PAXBP1: variants seen among roughly 807,000 people sequenced by gnomAD.
PAXBP1 encodes PAX3- and PAX7-binding protein 1.
A neutral mutation model predicts 119.9 loss-of-function variants in PAXBP1; 44 were observed. The observed-to-expected ratio is 0.37, with a 90% CI of 0.29 to 0.47. The LOEUF is 0.47. PAXBP1 is among the 20% of genes least tolerant of loss of function. The probability of loss-of-function intolerance (pLI) is 0.99; values close to 1 mark genes in which losing one functional copy is unlikely to be tolerated. For missense variants in PAXBP1, 898 were observed against 1,134.1 expected, an observed-to-expected ratio of 0.79 and a Z score of 2.99; for synonymous variants, 393 against 406.6, an observed-to-expected ratio of 0.97 and a Z score of 0.40.
At chr21:32,759,698 A>G (rs2044105011) in intron 6 of PAXBP1, 79 bp downstream of exon 6, 4 of 1,186,364 alleles carry the variant, frequency 3.4e-6, no homozygotes, top group South Asian at 1.4e-5. Context: ...GATATTCTGC[A>G]TCTGCTACCC....
In PAXBP1 at chr21:32,734,203, G is replaced by A. The variant is rs979288040; in HGVS notation, c.*747C>T. The A allele has an allele frequency of 1.3e-5, 2 of 152,614 alleles. No individual in the cohort carries two copies. Among genetic ancestry groups the A allele is most frequent in the African/African-American group, 4.8e-5 (2 of 41,442 alleles). The allele number at this position is 152,614 out of a possible 1,614,324, so 9.5% of individuals were successfully genotyped here. The stretch of plus-strand genomic sequence containing the variant: ...TCAAATGCATGTATCTGCAAGCTGG[G>A]CAGGGAGTAAAATCATGAATGAGAC... On this transcript the variant is annotated 3_prime_UTR_variant, in exon 18 of 18. Transcript: ENST00000331923.
chr21:32,759,250 A>G lies in PAXBP1; in HGVS notation c.1213T>C (p.Leu405=). ...LKDRLDSMKE[L]HKTNRQQHEK... is the part of the protein sequence containing the mutation. ...TGCTGCTGTCGATTTGTTTTGTGCA[A>G]TTCTTTCATGGAGTCCAACCTTAGG... Residue 405 remains leucine, a synonymous_variant, in exon 7 of 18, where the codon TTG becomes CTG. Coordinates refer to ENST00000331923, the MANE Select transcript of PAXBP1 (RefSeq NM_016631.4). 6.2e-7 allele frequency: 1 copy of G among 1,613,866 alleles called. No homozygotes were observed. Among genetic ancestry groups the G allele is most frequent in the African/African-American group, 1.3e-5 (1 of 75,000 alleles).
intron 15 of PAXBP1, among the ~76,000 whole-genome samples, chr21:32,739,719 AC>A (rs1400538701): frequency 2.0e-5 from 3 of 151,758 alleles, no homozygotes; most frequent in African/African-American, 7.3e-5. Context: ...ATCCTGGCTA[AC>A]ATGATGAAAC....
Position 32,737,349 on chromosome 21 carries a change from A to C in PAXBP1, c.2541T>G (p.Ser847=), listed in dbSNP as rs745722467. The C allele has an allele frequency of 6.2e-7, 1 of 1,610,572 alleles. No homozygotes were observed. Among genetic ancestry groups the C allele is most frequent in the Admixed American group, 1.7e-5 (1 of 59,150 alleles). Residue 847 remains serine, a synonymous_variant, in exon 17 of 18, where the codon TCT becomes TCG. Coordinates refer to ENST00000331923, the MANE Select transcript of PAXBP1 (RefSeq NM_016631.4). Reference sequence around the variant, plus strand: ...GGTATCGGCAAAAGTTTTCTAACTGAGAAATAGTCCTTTCTCCTTTCAGAT... The same window carrying C: ...GGTATCGGCAAAAGTTTTCTAACTGCGAAATAGTCCTTTCTCCTTTCAGAT... ...FMNLKGERTI[S]QLENFCRYLV...
Position 32,746,449 on chromosome 21 carries a change from G to C in PAXBP1, c.1924-731C>G, listed in dbSNP as rs149075151. Reference sequence around the variant, plus strand: ...CCCATTAAAAGTGGGCAAAGGACATGAACAGATACTTCTCAAAAGAAGACA... The same window carrying C: ...CCCATTAAAAGTGGGCAAAGGACATCAACAGATACTTCTCAAAAGAAGACA... On this transcript the variant is annotated intron_variant, in intron 11 of 17. Transcript: ENST00000331923. Among the ~76,000 whole-genome samples, 67 of 152,160 alleles carry C rather than the reference G, an allele frequency of 4.4e-4. 2 individuals carry two copies. The East Asian group carries it at 0.012, about 27-fold the overall frequency.
chr21:32,760,019 G>A, intron 5 of PAXBP1, 25 bp from the exon 6 acceptor site: 1 of 1,561,510 alleles, frequency 6.4e-7, no homozygotes, highest in Non-Finnish European at 8.8e-7. Context: ...GGATATAGAT[G>A]AAATCTGGTA....
At chr21:32,748,400 T>C in intron 11 of PAXBP1, 99 bp downstream of exon 11, 4 of 1,161,848 alleles carry the variant, frequency 3.4e-6, no homozygotes, top group South Asian at 1.5e-5. Context: ...CTATCACCCC[T>C]GCAAAATATT....
intron 4 of PAXBP1, among the ~76,000 whole-genome samples, chr21:32,761,449 G>A (rs2044144573): frequency 6.6e-6 from 1 of 152,144 alleles, no homozygotes; most frequent in Non-Finnish European, 1.5e-5. Flanking sequence ...TGCCTCCTAG[G>A]AATATAGAAC....
intron 2 of PAXBP1, among the ~76,000 whole-genome samples, chr21:32,765,303 A>G (rs2044222097): frequency 6.6e-6 from 1 of 152,182 alleles, no homozygotes; most frequent in Non-Finnish European, 1.5e-5. Flanking sequence ...TCCACTCCTG[A>G]GGCCCATTTC....
intron 10 of PAXBP1, among the ~76,000 whole-genome samples, chr21:32,749,912 A>G (rs541408605): frequency 1.3e-5 from 2 of 152,310 alleles, no homozygotes; most frequent in East Asian, 3.9e-4. Context: ...TTCCAGATTT[A>G]AAAATGTCAT....
At chr21:32,758,903 T>C (rs576003857) in intron 7 of PAXBP1, among the ~76,000 whole-genome samples, 177 bp downstream of exon 7, 11 of 152,122 alleles carry the variant, frequency 7.2e-5, no homozygotes, top group African/African-American at 2.7e-4. Flanking sequence ...GGTATTATAT[T>C]GCCCTTAAGA....
At chr21:32,736,697 A>G (rs1163390444) in intron 17 of PAXBP1, among the ~76,000 whole-genome samples, 1 of 152,196 alleles carries the variant, frequency 6.6e-6, no homozygotes. Flanking sequence ...ATTCCTTCAA[A>G]CTGCCCTACT....
intron 13 of PAXBP1, 43 bp from the exon 14 acceptor site, chr21:32,743,797 G>T: frequency 1.8e-6 from 2 of 1,116,380 alleles, no homozygotes; most frequent in South Asian, 2.8e-5. Context: ...TAAGGACTAT[G>T]ACAAGAAAAA....
Position 32,771,445 on chromosome 21 carries a change from G to C in PAXBP1, c.224C>G (p.Ala75Gly). The change falls in exon 1 of 18, where the codon GCC (alanine) becomes GGC (glycine). Residue 75 changes from alanine (A) to glycine (G), a missense_variant. Ala to Gly is a moderately conservative substitution (Grantham distance 60, BLOSUM62 0). This residue lies in a region of PAXBP1 where 299 missense variants were observed against 281.4 expected (regional missense o/e 1.06). Coordinates refer to ENST00000331923, the MANE Select transcript of PAXBP1 (RefSeq NM_016631.4). Reference protein sequence around the residue: ...SALTPGLGAEAGGGFPGGAEP... With the variant: ...SALTPGLGAEGGGGFPGGAEP... The stretch of plus-strand genomic sequence containing the variant: ...CGCGCCGCCGGGGAAGCCGCCCCCG[G>C]CCTCAGCCCCGAGGCCCGGGGTCAG... 6.7e-7 allele frequency: 1 copy of C among 1,487,542 alleles called. No homozygotes were observed. Among genetic ancestry groups the C allele is most frequent in the Non-Finnish European group, 8.9e-7 (1 of 1,127,444 alleles). 92.1% of individuals were successfully genotyped at this position (1,487,542 alleles called of 1,614,324 possible). A position where few individuals can be genotyped will look rare whatever the true frequency, so the allele number is the denominator to read the frequency against.
chr21:32,770,199 C>T (rs1392711607), intron 1 of PAXBP1, among the ~76,000 whole-genome samples: 2 of 152,134 alleles, frequency 1.3e-5, no homozygotes, highest in African/African-American at 2.4e-5. Flanking sequence ...CTATTATTGT[C>T]GTCCTTAAAT....
chr21:32,739,311 T>C (rs2043738979), intron 15 of PAXBP1, among the ~76,000 whole-genome samples: 1 of 152,196 alleles, frequency 6.6e-6, no homozygotes. Context: ...CTGGCTGAGT[T>C]TGATTCCCAT....
intron 5 of PAXBP1, among the ~76,000 whole-genome samples, chr21:32,760,636 T>A (rs1423137725): frequency 6.6e-6 from 1 of 152,162 alleles, no homozygotes; most frequent in Non-Finnish European, 1.5e-5. Context: ...CAAACTTTAG[T>A]GTGCATCAGA....
chr21:32,749,283 C>T (rs1208849329), intron 10 of PAXBP1, among the ~76,000 whole-genome samples: 2 of 151,952 alleles, frequency 1.3e-5, no homozygotes, highest in African/African-American at 4.8e-5. Flanking sequence ...CAATCTCTGC[C>T]TCCCAGGTTC....
At chr21:32,762,848 T>G (rs1223552472) in intron 3 of PAXBP1, among the ~76,000 whole-genome samples, 2 of 149,494 alleles carry the variant, frequency 1.3e-5, no homozygotes, top group African/African-American at 4.9e-5. Flanking sequence ...GAGGCAGAGG[T>G]TGCAGTGAGC....
Sources: allele counts gnomAD v4.1 joint callset (sites outside exome capture counted in the v4.1 genomes callset), GRCh38; gene constraint gnomAD v4.1.1; regional missense constraint gnomAD v4.1.1; transcripts MANE v1.5; gene names NCBI Gene and HGNC (gene_info 2026-07-23, HGNC 2026-07-21).